Variants in IRGQ observed in about 807,000 individuals in gnomAD.
The protein encoded by IRGQ is immunity-related GTPase family Q protein.
Under a neutral mutation model 10.5 loss-of-function variants are expected in IRGQ, and 5 were observed. The observed-to-expected ratio is 0.48, with a 90% CI of 0.25 to 1.00. The LOEUF (loss-of-function observed/expected upper bound fraction) is 1.00. Ranked by LOEUF, IRGQ falls within the 50% of genes least tolerant of loss-of-function variation. The pLI is 0.16. For missense variants in IRGQ, 792 were observed against 877.7 expected (o/e 0.90, Z 1.23); for synonymous variants, 418 against 426.0 (o/e 0.98, Z 0.23).
Position 43,592,734 on chromosome 19 carries a change from T to G in IRGQ, c.1164A>C (p.Lys388Asn). 1 of 1,611,918 alleles carries G rather than the reference T, an allele frequency of 6.2e-7. No homozygotes were observed. The highest frequency in any genetic ancestry group is 8.5e-7 in the Non-Finnish European group (1 of 1,179,970). Residue 388 changes from lysine (K) to asparagine (N), a missense_variant, in exon 3 of 3, where the codon AAA (lysine) becomes AAC (asparagine). Physicochemically the swap from Lys to Asn is moderately conservative, Grantham distance 94. Transcript: ENST00000422989. ...CCTGCTGCAAACCCTCGCTGCCAGC[T>G]TTCCCAGGACCTTCCCCGCTGCCTG... Reference protein sequence around the residue: ...QKAGSGEGPGKAGSEGLQQVV... With the variant: ...QKAGSGEGPGNAGSEGLQQVV...
rs1282179656 is a variant in IRGQ, at chr19:43,591,607, G to T, written c.*419C>A. ...TCACGCCTGTAATCCTAGCACTTTG[G>T]GAGGCCGGAGCGGGTCGATCGCCTG... On this transcript the variant is annotated 3_prime_UTR_variant, in exon 3 of 3. Transcript: ENST00000422989. 1 of 158,190 alleles carries T rather than the reference G, an allele frequency of 6.3e-6. No individual in the cohort carries two copies. Among genetic ancestry groups the T allele is most frequent in the African/African-American group, 2.4e-5 (1 of 41,602 alleles). 9.8% of individuals were successfully genotyped at this position (158,190 alleles called of 1,614,324 possible).
At position 43,592,425 on chromosome 19, in the gene IRGQ, C is replaced by CGCG. The variant is rs751455005; in HGVS notation, c.1472_1473insCGC (p.Ala495dup). 6.3e-7 allele frequency: 1 copy of CGCG among 1,578,172 alleles called. No homozygotes were observed. ...GCCCTGGGAGTGGTGCCGCCGCCGC[C>CGCG]GCCAGACTAGCCAGCAGAGCTGGCC... On this transcript the variant is annotated inframe_insertion, in exon 3 of 3. Coordinates refer to ENST00000422989, the MANE Select transcript of IRGQ (RefSeq NM_001007561.3).
chr19:43,592,619 C>G lies in IRGQ; in HGVS notation c.1279G>C (p.Ala427Pro). The change falls in exon 3 of 3, where the codon GCG (alanine) becomes CCG (proline). Residue 427 changes from alanine to proline, a missense_variant. Coordinates refer to ENST00000422989, the MANE Select transcript of IRGQ (RefSeq NM_001007561.3). ...EDETWEVLEE[A>P]PPPVFPLRPG... ...CGTAGGGGGAACACTGGCGGCGGCG[C>G]CTCCTCCAGCACCTCCCACGTCTCG... 1 of 1,602,000 alleles carries G rather than the reference C, an allele frequency of 6.2e-7. No individual in the cohort carries two copies. The highest frequency in any genetic ancestry group is 8.5e-7 in the Non-Finnish European group (1 of 1,179,906).
Position 43,592,024 on chromosome 19 carries a change from C to T in IRGQ, c.*2G>A, listed in dbSNP as rs1204507730. 1 of 1,583,686 alleles carries T rather than the reference C, an allele frequency of 6.3e-7. No individual in the cohort carries two copies. The highest frequency in any genetic ancestry group is 1.1e-5 in the South Asian group (1 of 87,730). ...CTGGACTCCCAAGCCCCCTCCCACT[C>T]CTCACTGGGCAGGCTCAGGGGGTGC... On this transcript the variant is annotated 3_prime_UTR_variant, in exon 3 of 3. Transcript: ENST00000422989.
In IRGQ at chr19:43,592,360, A is replaced by G; in HGVS notation, c.1538T>C (p.Leu513Pro). The G allele has an allele frequency of 6.3e-7, 1 of 1,576,328 alleles. No homozygotes were observed. Among genetic ancestry groups the G allele is most frequent in the South Asian group, 1.1e-5 (1 of 88,230 alleles). ...CCCCAGGCCCCGTCGCCACTCCGCC[A>G]GCTGACCCCGCAGAAGTGCCACGTC... ...ACDVALLRGQ[L>P]AEWRRGLGLE... is the part of the protein sequence containing the mutation. Residue 513 changes from leucine (L) to proline (P), a missense_variant, in exon 3 of 3, where the codon CTG (leucine) becomes CCG (proline). Coordinates refer to ENST00000422989, the MANE Select transcript of IRGQ (RefSeq NM_001007561.3).
rs918918139 is a variant in IRGQ, at chr19:43,589,373, A to G, written c.*2653T>C. The G allele has an allele frequency of 6.6e-6, 1 of 152,222 alleles. No individual in the cohort carries two copies. The highest frequency in any genetic ancestry group is 1.5e-5 in the Non-Finnish European group (1 of 68,078). 9.4% of individuals were successfully genotyped at this position (152,222 alleles called of 1,614,324 possible). On this transcript the variant is annotated 3_prime_UTR_variant, in exon 3 of 3. Coordinates refer to ENST00000422989, the MANE Select transcript of IRGQ (RefSeq NM_001007561.3). ...GTAATCCCATCAAGGCAGGAGGATC[A>G]CTTGAGGCCAGGAGTTCAACACTAG...
Position 43,592,263 on chromosome 19 carries a change from A to T in IRGQ, c.1635T>A (p.Ala545=). Residue 545 remains alanine (A), a synonymous_variant, in exon 3 of 3, where the codon GCT becomes GCA. Coordinates refer to ENST00000422989, the MANE Select transcript of IRGQ (RefSeq NM_001007561.3). ...CGCGCGTCACCGGGCCTGGGAAATG[A>T]GCGCGCGCTGCCAGCTCTCCAGAAG... ...GLASGELAAR[A]HFPGPVTRAE... 1 of 1,575,812 alleles carries T rather than the reference A, an allele frequency of 6.3e-7. No individual in the cohort carries two copies. Among genetic ancestry groups the T allele is most frequent in the Non-Finnish European group, 8.6e-7 (1 of 1,169,168 alleles).
chr19:43,593,214 G>C lies in IRGQ; in HGVS notation c.684C>G (p.Ala228=). 1 of 1,578,092 alleles carries C rather than the reference G, an allele frequency of 6.3e-7. No individual in the cohort carries two copies. Among genetic ancestry groups the C allele is most frequent in the South Asian group, 1.1e-5 (1 of 89,080 alleles). Residue 228 remains alanine (A), a synonymous_variant, in exon 3 of 3, where the codon GCC becomes GCG. Coordinates refer to ENST00000422989, the MANE Select transcript of IRGQ (RefSeq NM_001007561.3). This position sits in a 1 kb window ranked among gnomAD's most constrained non-coding sequence, Gnocchi z 6.4. ...ERLGSARLDL[A]VAGKADVGLV... ...GGCCCACGTCAGCCTTGCCAGCCAC[G>C]GCCAGGTCTAGCCGTGCGCTGCCCA...
rs767211998 is a variant in IRGQ, at chr19:43,594,806, C to T, written c.530+3G>A. ...CGGACCCAGCCAGAAAGCCGGCACT[C>T]ACCTCCGCAGCGCTTCTGCCTGGCT... On this transcript the variant is annotated splice_donor_region_variant and intron_variant, in intron 2 of 2. Transcript: ENST00000422989. The T allele has an allele frequency of 6.3e-7, 1 of 1,596,336 alleles. No individual in the cohort carries two copies. Among genetic ancestry groups the T allele is most frequent in the Non-Finnish European group, 8.5e-7 (1 of 1,170,308 alleles).
In IRGQ at chr19:43,592,860, C is replaced by T; in HGVS notation, c.1038G>A (p.Met346Ile). The change falls in exon 3 of 3, where the codon ATG becomes ATA. Residue 346 changes from methionine (M) to isoleucine (I), a missense_variant. Transcript: ENST00000422989. ...TTAAGCTCTCGCCCTTGGGATTCTCCATCTTGCCTTCTCCCAGACACTCCG... is the reference window on the plus strand; with the variant it reads ...TTAAGCTCTCGCCCTTGGGATTCTCTATCTTGCCTTCTCCCAGACACTCCG... ...EDPECLGEGKMENPKGESLKN... is the reference protein window; with the variant it reads ...EDPECLGEGKIENPKGESLKN... 4 of 1,613,980 alleles carry T rather than the reference C, an allele frequency of 2.5e-6. No homozygotes were observed. The highest frequency in any genetic ancestry group is 3.4e-6 in the Non-Finnish European group (4 of 1,180,036).
At position 43,588,376 on chromosome 19, in the gene IRGQ, G is replaced by A. The variant is rs1051917679; in HGVS notation, c.*3650C>T. The A allele has an allele frequency of 5.3e-5, 8 of 151,714 alleles. No homozygotes were observed. The highest frequency in any genetic ancestry group is 1.7e-4 in the African/African-American group (7 of 41,238). 9.4% of individuals were successfully genotyped at this position (151,714 alleles called of 1,614,324 possible). On this transcript the variant is annotated 3_prime_UTR_variant, in exon 3 of 3. Coordinates refer to ENST00000422989, the MANE Select transcript of IRGQ (RefSeq NM_001007561.3). ...GATCGCACAACTGCACTCCAGCCTG[G>A]GTGACAGAGCAAGACTCCGTCTCCC... is the stretch of plus-strand genomic sequence containing the variant.
Position 43,587,408 on chromosome 19 carries a change from A to G in IRGQ, c.*4618T>C, listed in dbSNP as rs1222736420. 1 of 152,202 alleles carries G rather than the reference A, an allele frequency of 6.6e-6. No homozygotes were observed. The highest frequency in any genetic ancestry group is 1.5e-5 in the Non-Finnish European group (1 of 68,028). 9.4% of individuals were successfully genotyped at this position (152,202 alleles called of 1,614,324 possible). ...TTACTTAAAAAAAAAATGGACACCC[A>G]TCTCAGTTTTTGGAAAACTATTATA... On this transcript the variant is annotated 3_prime_UTR_variant, in exon 3 of 3. Transcript: ENST00000422989.
chr19:43,587,266 G>A lies in IRGQ; in HGVS notation c.*4760C>T, dbSNP rs966746804. The A allele has an allele frequency of 2.0e-5, 3 of 152,186 alleles. No homozygotes were observed. The highest frequency in any genetic ancestry group is 7.2e-5 in the African/African-American group (3 of 41,430). The allele number at this position is 152,186 out of a possible 1,614,324, so 9.4% of individuals were successfully genotyped here. A position where few individuals can be genotyped will look rare whatever the true frequency, so the allele number is the denominator to read the frequency against. ...AATCAGTTGAACCTGGGAGGCAGAGGTTGCAGTGAGCTGAGGTCATGCCAC... is the reference window on the plus strand; with the variant it reads ...AATCAGTTGAACCTGGGAGGCAGAGATTGCAGTGAGCTGAGGTCATGCCAC... On this transcript the variant is annotated 3_prime_UTR_variant, in exon 3 of 3. Coordinates refer to ENST00000422989, the MANE Select transcript of IRGQ (RefSeq NM_001007561.3).
At position 43,591,878 on chromosome 19, in the gene IRGQ, A is replaced by T; in HGVS notation, c.*148T>A. 1 of 638,408 alleles carries T rather than the reference A, an allele frequency of 1.6e-6. No homozygotes were observed. The highest frequency in any genetic ancestry group is 2.4e-6 in the Non-Finnish European group (1 of 410,568). The allele number at this position is 638,408 out of a possible 1,614,324, so 39.5% of individuals were successfully genotyped here. On this transcript the variant is annotated 3_prime_UTR_variant, in exon 3 of 3. Transcript: ENST00000422989. The stretch of plus-strand genomic sequence containing the variant: ...AAGAAAAAAAAAAAAAAAAATCAGG[A>T]TTCCTGTCCCCCAGACTCTCTGAAT...
At position 43,587,508 on chromosome 19, in the gene IRGQ, A is replaced by T. The variant is rs1600071953; in HGVS notation, c.*4518T>A. 1 of 152,344 alleles carries T rather than the reference A, an allele frequency of 6.6e-6. No homozygotes were observed. Among genetic ancestry groups the T allele is most frequent in the East Asian group, 1.9e-4 (1 of 5,194 alleles). The allele number at this position is 152,344 out of a possible 1,614,324, so 9.4% of individuals were successfully genotyped here. A position where few individuals can be genotyped will look rare whatever the true frequency, so the allele number is the denominator to read the frequency against. On this transcript the variant is annotated 3_prime_UTR_variant, in exon 3 of 3. Transcript: ENST00000422989. ...TATGAAATCAAAATAAAGGTCAAGC[A>T]TTTCAGATAAAAATGTACCATGGTA...
chr19:43,593,218 A>T lies in IRGQ; in HGVS notation c.680T>A (p.Leu227Gln). 1 of 1,578,778 alleles carries T rather than the reference A, an allele frequency of 6.3e-7. No homozygotes were observed. Among genetic ancestry groups the T allele is most frequent in the South Asian group, 1.1e-5 (1 of 89,204 alleles). ...LERLGSARLDLAVAGKADVGL... is the reference protein window; with the variant it reads ...LERLGSARLDQAVAGKADVGL... The stretch of plus-strand genomic sequence containing the variant: ...CACGTCAGCCTTGCCAGCCACGGCC[A>T]GGTCTAGCCGTGCGCTGCCCAGGCG... Residue 227 changes from leucine (L) to glutamine (Q), a missense_variant, in exon 3 of 3, where the codon CTG (leucine) becomes CAG (glutamine). Coordinates refer to ENST00000422989, the MANE Select transcript of IRGQ (RefSeq NM_001007561.3). This position sits in a 1 kb window ranked among gnomAD's most constrained non-coding sequence, Gnocchi z 6.4.
Position 43,588,973 on chromosome 19 carries a change from A to G in IRGQ, c.*3053T>C, listed in dbSNP as rs1973025763. ...TAGCTATCTCAACTTTGAAGGGACA[A>G]ATTTTGTCAGCAGTGGGAGTCCAAG... is the stretch of plus-strand genomic sequence containing the variant. On this transcript the variant is annotated 3_prime_UTR_variant, in exon 3 of 3. Transcript: ENST00000422989. The G allele has an allele frequency of 6.6e-6, 1 of 152,198 alleles. No individual in the cohort carries two copies. Among genetic ancestry groups the G allele is most frequent in the African/African-American group, 2.4e-5 (1 of 41,448 alleles). The allele number at this position is 152,198 out of a possible 1,614,324, so 9.4% of individuals were successfully genotyped here.
At position 43,593,282 on chromosome 19, in the gene IRGQ, G is replaced by C; in HGVS notation, c.616C>G (p.Leu206Val). Residue 206 changes from leucine to valine, a missense_variant, in exon 3 of 3, where the codon CTT becomes GTT. Physicochemically the swap from Leu to Val is conservative, Grantham distance 32. Coordinates refer to ENST00000422989, the MANE Select transcript of IRGQ (RefSeq NM_001007561.3). This position sits in a 1 kb window ranked among gnomAD's most constrained non-coding sequence, Gnocchi z 6.4. The stretch of plus-strand genomic sequence containing the variant: ...CGCACCCACGACAGCGCAGCCTCAA[G>C]GCCGCCGGTCTCAAAGGCCTCACGC... Reference protein sequence around the residue: ...AVREAFETGGLEAALSWVRSG... With the variant: ...AVREAFETGGVEAALSWVRSG... 6.3e-7 allele frequency: 1 copy of C among 1,593,246 alleles called. No individual in the cohort carries two copies. The highest frequency in any genetic ancestry group is 8.6e-7 in the Non-Finnish European group (1 of 1,168,828).
Position 43,593,872 on chromosome 19 carries a change from A to C in IRGQ, c.531-505T>G, listed in dbSNP as rs1327192820. 6.6e-6 allele frequency among the ~76,000 whole-genome samples: 1 copy of C among 152,140 alleles called. No individual in the cohort carries two copies. The highest frequency in any genetic ancestry group is 2.4e-5 in the African/African-American group (1 of 41,420). On this transcript the variant is annotated intron_variant, in intron 2 of 2. Coordinates refer to ENST00000422989, the MANE Select transcript of IRGQ (RefSeq NM_001007561.3). The surrounding 1 kb of genome is among the most constrained non-coding windows in gnomAD (Gnocchi z 6.4). The stretch of plus-strand genomic sequence containing the variant: ...GAAATCTCATCTACCAGTTCTTACC[A>C]AGGGGGAGTGGCTAAGGTGACTCCC...
Sources: gnomAD v4.1 joint callset for allele counts (sites outside exome capture counted in the v4.1 genomes callset) on GRCh38, gnomAD v4.1.1 for gene constraint, Gnocchi (gnomAD v3.1) non-coding constraint, MANE v1.5 for transcripts, NCBI Gene and HGNC (gene_info 2026-07-23, HGNC 2026-07-21) for gene names.